PIGN: variants seen among roughly 807,000 people sequenced by gnomAD.
PIGN encodes phosphatidylinositol glycan anchor biosynthesis class N, also known as GPI ethanolamine phosphate transferase 1.
Under a neutral mutation model 125.4 loss-of-function variants are expected in PIGN, and 117 were observed. That is an observed-to-expected ratio of 0.93 (90% CI 0.80 to 1.09). The LOEUF (loss-of-function observed/expected upper bound fraction) is 1.09, where lower values mean the gene tolerates loss of function less well. PIGN is among the 50% of genes least tolerant of loss of function. The pLI, the probability that PIGN is intolerant of heterozygous loss-of-function variation, is 0.00. For synonymous variants in PIGN, 392 were observed against 377.8 expected (o/e 1.04, Z -0.44); for missense variants, 1,075 against 1,094.9 (o/e 0.98, Z 0.26).
chr18:62,091,031 G>A (rs1164173652), intron 23 of PIGN, among the ~76,000 whole-genome samples: 1 of 152,114 alleles, frequency 6.6e-6, no homozygotes, highest in Non-Finnish European at 1.5e-5. Flanking sequence ...AAACAATGGT[G>A]ATATATCATA....
intron 30 of PIGN, 81 bp from the exon 31 acceptor site, chr18:62,046,060 T>G (rs768858967): frequency 7.0e-7 from 1 of 1,421,152 alleles, no homozygotes; most frequent in Non-Finnish European, 9.6e-7. Flanking sequence ...TGGTTTTAAA[T>G]GGACAGATGA....
At chr18:62,037,065 C>T (rs531545012), downstream of PIGN, among the ~76,000 whole-genome samples, 7 of 152,280 alleles carry the variant, frequency 4.6e-5, no homozygotes, top group South Asian at 6.2e-4. Context: ...TTAACTCATG[C>T]CACTGACCTG....
intron 30 of PIGN, among the ~76,000 whole-genome samples, chr18:62,050,664 C>T (rs2031198628): frequency 6.6e-6 from 1 of 152,042 alleles, no homozygotes; most frequent in African/African-American, 2.4e-5. Flanking sequence ...AATTTGACTT[C>T]CTCTTTTCCT....
Position 62,169,462 on chromosome 18 carries a change from AT to A in PIGN, c.-235-5807del, listed in dbSNP as rs1285269218. ...GCGTGTGCTTTCATTTCTTCTTCTT[AT>A]TTTTTTATTATTTTTTTTTTGAAAC... is the stretch of plus-strand genomic sequence containing the variant. On this transcript the variant is annotated intron_variant, in intron 1 of 30. Coordinates refer to ENST00000640252, the MANE Select transcript of PIGN (RefSeq NM_176787.5). 2.6e-5 allele frequency among the ~76,000 whole-genome samples: 3 copies of A among 116,204 alleles called. No homozygotes were observed. In the East Asian group the frequency reaches 1.1e-3, roughly 41 times the overall value. The allele number at this position is 116,204 out of a possible 152,430, so 76.2% of individuals were successfully genotyped here.
chr18:62,023,427 A>T (rs1268214302), intron 23 of PIGN, among the ~76,000 whole-genome samples: 1 of 152,252 alleles, frequency 6.6e-6, no homozygotes, highest in East Asian at 1.9e-4. Context: ...ATCAGTGAAT[A>T]CAATTCCATT....
chr18:62,084,247 C>T (rs1015290256), intron 27 of PIGN, among the ~76,000 whole-genome samples: 1 of 152,194 alleles, frequency 6.6e-6, no homozygotes, highest in Non-Finnish European at 1.5e-5. Flanking sequence ...TCTTTAGCAG[C>T]ACTGCAGTTT....
chr18:62,051,826 C>G (rs1269206945), intron 30 of PIGN: 1 of 152,122 alleles, frequency 6.6e-6, no homozygotes, highest in Non-Finnish European at 1.5e-5. Context: ...CCTGCTTTCT[C>G]TTGTGGGCAT....
At chr18:62,063,961 G>A (rs1304302190) in intron 30 of PIGN, among the ~76,000 whole-genome samples, 1 of 151,132 alleles carries the variant, frequency 6.6e-6, no homozygotes, top group Non-Finnish European at 1.5e-5. Flanking sequence ...ATAGCATTAG[G>A]AGATATACCT....
chr18:62,063,083 G>C (rs1387229570), intron 30 of PIGN, among the ~76,000 whole-genome samples: 1 of 150,676 alleles, frequency 6.6e-6, no homozygotes, highest in East Asian at 1.9e-4. Flanking sequence ...ACTCATGAGA[G>C]GAAGGGAAAA....
rs145991015 is a variant in PIGN, at chr18:62,019,225, C to T, written c.2143-1484G>A. ...GCAAAAATTTAAACCCAGTCTCCCA[C>T]GTCCCTTCATTCCACCTCTTTGATA... On this transcript the variant is annotated intron_variant, in intron 23 of 24. Transcript: ENST00000639600. 8.9e-4 allele frequency among the ~76,000 whole-genome samples: 136 copies of T among 152,262 alleles called. 12 individuals carry two copies. Among genetic ancestry groups the T allele is most frequent in the Non-Finnish European group, 2.1e-4 (14 of 68,012 alleles).
At chr18:62,024,291 A>G (rs929428145) in intron 23 of PIGN, among the ~76,000 whole-genome samples, 1 of 152,222 alleles carries the variant, frequency 6.6e-6, no homozygotes, top group Non-Finnish European at 1.5e-5. Context: ...AAGTTCTCTC[A>G]CAAAGAAGAA....
At chr18:62,182,562 C>G (rs2037755584) in intron 1 of PIGN, among the ~76,000 whole-genome samples, 2 of 152,180 alleles carry the variant, frequency 1.3e-5, no homozygotes, top group African/African-American at 4.8e-5. Context: ...ATTGACACCT[C>G]TATAATTTAA....
chr18:62,092,789 T>C (rs2034022139), intron 23 of PIGN, among the ~76,000 whole-genome samples: 1 of 152,094 alleles, frequency 6.6e-6, no homozygotes, highest in Non-Finnish European at 1.5e-5. Context: ...CAATGATTTT[T>C]TAAAAATTGA....
chr18:62,071,552 T>G (rs990242136), intron 30 of PIGN, among the ~76,000 whole-genome samples: 2 of 152,126 alleles, frequency 1.3e-5, no homozygotes, highest in Non-Finnish European at 2.9e-5. Flanking sequence ...TATTAAGAAC[T>G]TCTGCGTGAG....
At chr18:62,034,564 G>A (rs761729400) in intron 23 of PIGN, among the ~76,000 whole-genome samples, 1 of 152,194 alleles carries the variant, frequency 6.6e-6, no homozygotes, top group African/African-American at 2.4e-5. Context: ...CCTAACTCTT[G>A]CATCAGTGTG....
intron 22 of PIGN, among the ~76,000 whole-genome samples, chr18:62,099,340 G>A (rs2034344106): frequency 2.0e-5 from 3 of 152,074 alleles, no homozygotes; most frequent in African/African-American, 7.2e-5. Context: ...ACTTTGTGAT[G>A]TTAAAAGTAA....
intron 30 of PIGN, among the ~76,000 whole-genome samples, chr18:62,068,549 A>G (rs992375087): frequency 6.6e-6 from 1 of 152,198 alleles, no homozygotes; most frequent in African/African-American, 2.4e-5. Context: ...CTGATTCAGC[A>G]CAGCAATCTA....
At chr18:62,112,128 G>T (rs2034902417) in intron 16 of PIGN, among the ~76,000 whole-genome samples, 1 of 151,978 alleles carries the variant, frequency 6.6e-6, no homozygotes, top group African/African-American at 2.4e-5. Flanking sequence ...TTCTAGCACT[G>T]TTATGAGTTC....
chr18:62,061,386 G>A (rs1262758910), intron 30 of PIGN, among the ~76,000 whole-genome samples: 1 of 151,338 alleles, frequency 6.6e-6, no homozygotes, highest in Non-Finnish European at 1.5e-5. Context: ...TCAAATTCTG[G>A]GACAGATTCC....
Sources: gnomAD v4.1 joint callset for allele counts (sites outside exome capture counted in the v4.1 genomes callset) on GRCh38, gnomAD v4.1.1 for gene constraint, MANE v1.5 for transcripts, NCBI Gene and HGNC (gene_info 2026-07-23, HGNC 2026-07-21) for gene names.